Variants in STAU2 observed in about 807,000 individuals in gnomAD.
STAU2 encodes the protein staufen double-stranded RNA binding protein 2, also known as double-stranded RNA-binding protein Staufen homolog 2.
STAU2 carries 20 observed loss-of-function variants against 65.9 expected under a neutral mutation model. The ratio of observed to expected loss-of-function variants is 0.30; its 90% confidence interval spans 0.21 to 0.44. The LOEUF (loss-of-function observed/expected upper bound fraction) is 0.44. STAU2 is among the 20% of genes least tolerant of loss of function. The pLI is 1.00. For missense variants in STAU2, 558 were observed against 683.9 expected (o/e 0.82, Z 2.05); for synonymous variants, 232 against 233.9 (o/e 0.99, Z 0.07).
intron 12 of STAU2, among the ~76,000 whole-genome samples, chr8:73,565,405 C>T (rs1456597449): frequency 2.0e-5 from 3 of 152,138 alleles, no homozygotes; most frequent in African/African-American, 7.2e-5. Flanking sequence ...AAATCCTGAA[C>T]AGCCTGCAGA....
chr8:73,571,314 C>T (rs1437443022), intron 12 of STAU2, among the ~76,000 whole-genome samples: 1 of 152,150 alleles, frequency 6.6e-6, no homozygotes, highest in African/African-American at 2.4e-5. Context: ...TTAAACACCC[C>T]ACTGTCAACA....
intron 4 of STAU2, among the ~76,000 whole-genome samples, chr8:73,698,100 A>T (rs965556971): frequency 1.2e-4 from 19 of 152,090 alleles, no homozygotes; most frequent in African/African-American, 2.4e-5. Context: ...AAATTAATTT[A>T]AAAAAGATAG....
chr8:73,711,144 A>AC (rs1820865818), intron 3 of STAU2, among the ~76,000 whole-genome samples: 1 of 150,198 alleles, frequency 6.7e-6, no homozygotes, highest in Non-Finnish European at 1.5e-5. Flanking sequence ...AAAAAAAAAA[A>AC]AAAAAAAAAA....
intron 11 of STAU2, among the ~76,000 whole-genome samples, chr8:73,585,237 T>C (rs934063078): frequency 6.6e-6 from 1 of 152,234 alleles, no homozygotes; most frequent in Non-Finnish European, 1.5e-5. Context: ...TCCCAGCACT[T>C]TGGGAGGCCG....
intron 5 of STAU2, among the ~76,000 whole-genome samples, chr8:73,674,327 G>C (rs1293267319): frequency 6.6e-6 from 1 of 151,494 alleles, no homozygotes; most frequent in East Asian, 1.9e-4. Context: ...TAACCACAAA[G>C]AGAATTATTT....
intron 13 of STAU2, among the ~76,000 whole-genome samples, chr8:73,471,817 T>TAAACAAAAAAAA (rs1820041357): frequency 1.2e-5 from 1 of 86,808 alleles, no homozygotes; most frequent in Admixed American, 1.5e-4. Flanking sequence ...AGACTCCAAC[T>TAAACAAAAAAAA]AAAAAAAAAA....
intron 12 of STAU2, among the ~76,000 whole-genome samples, chr8:73,576,231 A>G (rs1408428512): frequency 6.6e-6 from 1 of 152,158 alleles, no homozygotes; most frequent in Non-Finnish European, 1.5e-5. Context: ...AATCCTGAAA[A>G]TATCCCAACT....
chr8:73,642,916 A>C (rs1815099272), intron 6 of STAU2, among the ~76,000 whole-genome samples: 1 of 152,212 alleles, frequency 6.6e-6, no homozygotes, highest in Non-Finnish European at 1.5e-5. Flanking sequence ...AGCAGGGAGC[A>C]GCAGGTGGGT....
At chr8:73,428,126 C>A (rs1249485554) in intron 13 of STAU2, among the ~76,000 whole-genome samples, 2 of 152,152 alleles carry the variant, frequency 1.3e-5, no homozygotes, top group African/African-American at 4.8e-5. Context: ...ATCATTTTCC[C>A]ATTCCACCTA....
At chr8:73,547,439 G>T (rs960525815) in intron 13 of STAU2, among the ~76,000 whole-genome samples, 1 of 151,902 alleles carries the variant, frequency 6.6e-6, no homozygotes, top group African/African-American at 2.4e-5. Context: ...TGTTATGTTT[G>T]CATATCCCTT....
intron 13 of STAU2, chr8:73,439,301 G>T: frequency 3.1e-6 from 1 of 324,320 alleles, no homozygotes; most frequent in Non-Finnish European, 6.0e-6. Context: ...CTGTGTGAAG[G>T]CAGGACAGCA....
At chr8:73,584,063 A>C (rs745390949) in intron 11 of STAU2, among the ~76,000 whole-genome samples, 3 of 152,246 alleles carry the variant, frequency 2.0e-5, no homozygotes, top group Admixed American at 6.5e-5. Context: ...ATTCCTTTTT[A>C]ATCATACATC....
intron 13 of STAU2, among the ~76,000 whole-genome samples, chr8:73,503,353 G>C (rs1026211040): frequency 3.3e-5 from 5 of 152,076 alleles, no homozygotes; most frequent in Non-Finnish European, 7.4e-5. Flanking sequence ...TAAAGTAATA[G>C]CAGGGCTCAT....
At chr8:73,575,017 CTA>C (rs1809422287) in intron 12 of STAU2, among the ~76,000 whole-genome samples, 2 of 150,596 alleles carry the variant, frequency 1.3e-5, no homozygotes, top group South Asian at 2.1e-4. Context: ...AAAGAAAAGA[CTA>C]TTTTAAAATG....
intron 3 of STAU2, among the ~76,000 whole-genome samples, chr8:73,727,289 G>C (rs1255962585): frequency 6.6e-6 from 1 of 152,136 alleles, no homozygotes; most frequent in African/African-American, 2.4e-5. Flanking sequence ...TCCACTCACA[G>C]TGTTGTACAA....
chr8:73,680,154 TGGGAATAGGGGGCCGGC>T (rs1189077430), intron 5 of STAU2, among the ~76,000 whole-genome samples: 1 of 23,140 alleles, frequency 4.3e-5, no homozygotes, highest in Non-Finnish European at 7.9e-5. Flanking sequence ...GGGGAGGAGG[TGGGAATAGGGGGCCGGC>T]GGGAATAGGG....
At chr8:73,724,975 C>T (rs182966577) in intron 3 of STAU2, among the ~76,000 whole-genome samples, 1 of 152,228 alleles carries the variant, frequency 6.6e-6, no homozygotes, top group African/African-American at 2.4e-5. Flanking sequence ...GCATGAGCCA[C>T]CATGCCCAGT....
In STAU2 at chr8:73,560,315, C is replaced by T. The variant is rs192800141; in HGVS notation, c.1223-7996G>A. Reference sequence around the variant, plus strand: ...CAGGATGTTCTCGATCTCCTGACCTCGTGATCCGCCCACCTCGGCCTCCCA... The same window carrying T: ...CAGGATGTTCTCGATCTCCTGACCTTGTGATCCGCCCACCTCGGCCTCCCA... On this transcript the variant is annotated intron_variant, in intron 12 of 14. Transcript: ENST00000524300. 2.9e-3 allele frequency among the ~76,000 whole-genome samples: 445 copies of T among 152,110 alleles called. 1 individual carries two copies. The highest frequency in any genetic ancestry group is 0.01 in the African/African-American group (423 of 41,492).
chr8:73,458,422 T>C (rs1037054940), intron 13 of STAU2, among the ~76,000 whole-genome samples: 1 of 152,234 alleles, frequency 6.6e-6, no homozygotes, highest in Non-Finnish European at 1.5e-5. Flanking sequence ...TCCTGTCTAG[T>C]AAGTTTACAG....
Sources: gnomAD v4.1 joint callset for allele counts (sites outside exome capture counted in the v4.1 genomes callset) on GRCh38, gnomAD v4.1.1 for gene constraint, MANE v1.5 for transcripts, NCBI Gene and HGNC (gene_info 2026-07-23, HGNC 2026-07-21) for gene names.